The following CECR2 variants were observed in gnomAD, a reference collection of about 807,000 sequenced individuals.
CECR2 encodes the protein CECR2 histone acetyl-lysine reader.
In CECR2, 30 loss-of-function variants were observed where a neutral mutation model predicts 154.5. The observed-to-expected ratio is 0.19, with a 90% CI of 0.15 to 0.26. The LOEUF (loss-of-function observed/expected upper bound fraction) is 0.26, where lower values mean the gene tolerates loss of function less well. Ranked by LOEUF, CECR2 falls within the 10% of genes least tolerant of loss-of-function variation. The pLI is 1.00. For synonymous variants in CECR2, 725 were observed against 683.7 expected (o/e 1.06, Z -0.94); for missense variants, 1,743 against 1,829.3 (o/e 0.95, Z 0.86).
At chr22:17,386,178 C>T (rs1037981862) in intron 1 of CECR2, among the ~76,000 whole-genome samples, 5 of 151,970 alleles carry the variant, frequency 3.3e-5, no homozygotes, top group African/African-American at 9.7e-5. Flanking sequence ...AAAATGACAA[C>T]GGAAAAGAGC....
chr22:17,485,780 A>T (rs892523046), intron 2 of CECR2, among the ~76,000 whole-genome samples: 3 of 152,192 alleles, frequency 2.0e-5, no homozygotes, highest in Non-Finnish European at 4.4e-5. Context: ...CAAAAAAGAA[A>T]AGAAAGTAAA....
chr22:17,427,673 G>A (rs2054352719), intron 1 of CECR2, among the ~76,000 whole-genome samples: 3 of 152,148 alleles, frequency 2.0e-5, no homozygotes, highest in African/African-American at 4.8e-5. Flanking sequence ...CTTCCACAGT[G>A]TGGAAGGGGA....
intron 2 of CECR2, among the ~76,000 whole-genome samples, chr22:17,485,690 G>A (rs2055408762): frequency 6.6e-6 from 1 of 152,146 alleles, no homozygotes; most frequent in Non-Finnish European, 1.5e-5. Context: ...AGGAGAATCA[G>A]TGGAGCCCAG....
In CECR2 at chr22:17,487,698, CATG is replaced by C. The variant is rs543194008; in HGVS notation, c.222-9699_222-9697del. 9.9e-5 allele frequency among the ~76,000 whole-genome samples: 15 copies of C among 152,084 alleles called. No homozygotes were observed. In the East Asian group the frequency reaches 2.7e-3, roughly 27 times the overall value. On this transcript the variant is annotated intron_variant, in intron 2 of 18. Coordinates refer to ENST00000262608, the MANE Select transcript of CECR2 (RefSeq NM_001290047.2). ...AAAAAAATTTTTTTCATTAAATACT[CATG>C]ATGATAATACTTACTGCTAAAATGT...
intron 1 of CECR2, among the ~76,000 whole-genome samples, chr22:17,465,060 G>T (rs1397147059): frequency 6.1e-5 from 9 of 146,846 alleles, no homozygotes; most frequent in Non-Finnish European, 1.2e-4. Context: ...GCAGTGGCGC[G>T]ATCTCAGCTC....
rs533542372 is a variant in CECR2 at position 17,461,953 on chromosome 22, C to T, written c.127-15635C>T. Among the ~76,000 whole-genome samples, 235 of 151,980 alleles carry T rather than the reference C, an allele frequency of 1.5e-3. 4 individuals are homozygous for T. In the Middle Eastern group the frequency reaches 0.041, roughly 26 times the overall value. On this transcript the variant is annotated intron_variant, in intron 1 of 18. Coordinates refer to ENST00000262608, the MANE Select transcript of CECR2 (RefSeq NM_001290047.2). ...GACTACAGGTGCGCACCACCAAACCCGGCTAATTTTTTTATTTTTAGTAGA... is the reference window on the plus strand; with the variant it reads ...GACTACAGGTGCGCACCACCAAACCTGGCTAATTTTTTTATTTTTAGTAGA...
At chr22:17,451,375 A>G (rs566137993) in intron 1 of CECR2, among the ~76,000 whole-genome samples, 6 of 152,350 alleles carry the variant, frequency 3.9e-5, no homozygotes, top group Admixed American at 1.3e-4. Flanking sequence ...TGGTGAAGGT[A>G]GCATTACTAG....
intron 7 of CECR2, among the ~76,000 whole-genome samples, chr22:17,509,979 C>T (rs1439738204): frequency 3.3e-5 from 5 of 151,886 alleles, no homozygotes; most frequent in Non-Finnish European, 7.4e-5. Flanking sequence ...TTACTTAAAC[C>T]TTTTTTTTGT....
intron 7 of CECR2, among the ~76,000 whole-genome samples, chr22:17,507,354 T>C (rs1161781837): frequency 1.3e-5 from 2 of 152,242 alleles, no homozygotes; most frequent in African/African-American, 4.8e-5. Context: ...TCTGTTTTTG[T>C]GATCAGCAAT....
intron 1 of CECR2, among the ~76,000 whole-genome samples, chr22:17,464,997 ATT>A (rs71770620): frequency 3.1e-4 from 43 of 140,914 alleles, no homozygotes; most frequent in East Asian, 2.1e-3. Context: ...CAATATTTAA[ATT>A]TTTTTTTTTT....
intron 3 of CECR2, 48 bp from the exon 4 acceptor site, chr22:17,499,362 G>A (rs1277244109): frequency 6.4e-7 from 1 of 1,574,544 alleles, no homozygotes. Flanking sequence ...TTTTCCTGGT[G>A]CGTTTTGTTC....
chr22:17,463,830 G>A lies in CECR2; in HGVS notation c.127-13758G>A, dbSNP rs116794259. 3.6e-3 allele frequency among the ~76,000 whole-genome samples: 546 copies of A among 152,168 alleles called. 2 individuals carry two copies. Among genetic ancestry groups the A allele is most frequent in the African/African-American group, 0.013 (520 of 41,506 alleles). On this transcript the variant is annotated intron_variant, in intron 1 of 18. Transcript: ENST00000262608. ...AAAGAGCTATCAAGAGTCAGTGGGTGTAGAGCAGAAAGGGAAGCAAGAGCA... is the reference window on the plus strand; with the variant it reads ...AAAGAGCTATCAAGAGTCAGTGGGTATAGAGCAGAAAGGGAAGCAAGAGCA...
At chr22:17,390,057 T>A (rs1374134365) in intron 1 of CECR2, among the ~76,000 whole-genome samples, 2 of 152,194 alleles carry the variant, frequency 1.3e-5, no homozygotes, top group African/African-American at 4.8e-5. Context: ...TACATTATTT[T>A]TATGAATTTT....
intron 1 of CECR2, among the ~76,000 whole-genome samples, chr22:17,461,662 C>T (rs1277183094): frequency 6.6e-6 from 1 of 152,180 alleles, no homozygotes; most frequent in Non-Finnish European, 1.5e-5. Flanking sequence ...CACCAGAATA[C>T]ACAGAAGTCA....
chr22:17,406,998 A>G (rs1215925405), intron 1 of CECR2, among the ~76,000 whole-genome samples: 2 of 152,194 alleles, frequency 1.3e-5, no homozygotes, highest in African/African-American at 4.8e-5. Context: ...AGCACCTTGT[A>G]TAAGAAGCAT....
Position 17,555,866 on chromosome 22 carries a change from CTTTGA to C in CECR2, c.*3030_*3034del, listed in dbSNP as rs1458626382. ...GAGAATGGGAAATACCATTGCATCT[CTTTGA>C]TTTAACACTCATGGCTCACCTTTAG... On this transcript the variant is annotated 3_prime_UTR_variant, in exon 19 of 19. Coordinates refer to ENST00000262608, the MANE Select transcript of CECR2 (RefSeq NM_001290047.2). 3 of 152,184 alleles carry C rather than the reference CTTTGA, an allele frequency of 2.0e-5. No individual in the cohort carries two copies. The highest frequency in any genetic ancestry group is 2.0e-4 in the Admixed American group (3 of 15,272). 9.4% of individuals were successfully genotyped at this position (152,184 alleles called of 1,614,324 possible).
chr22:17,547,853 GTC>G (rs1393507897), intron 16 of CECR2, among the ~76,000 whole-genome samples: 2 of 152,104 alleles, frequency 1.3e-5, no homozygotes, highest in African/African-American at 2.4e-5. Flanking sequence ...GCCACAAGCC[GTC>G]TCTCAGCCTC....
chr22:17,452,677 GGGTT>G (rs1168394472), intron 1 of CECR2, among the ~76,000 whole-genome samples: 3 of 152,124 alleles, frequency 2.0e-5, no homozygotes, highest in African/African-American at 7.2e-5. Context: ...ATCTGTATTC[GGGTT>G]TTGGAAATAG....
At chr22:17,459,187 G>C (rs1451956933) in intron 1 of CECR2, among the ~76,000 whole-genome samples, 1 of 152,176 alleles carries the variant, frequency 6.6e-6, no homozygotes, top group East Asian at 1.9e-4. Context: ...GTAAGAACCT[G>C]CAGGGTGATA....
Sources: gnomAD v4.1 joint callset for allele counts (sites outside exome capture counted in the v4.1 genomes callset) on GRCh38, gnomAD v4.1.1 for gene constraint, MANE v1.5 for transcripts, NCBI Gene and HGNC (gene_info 2026-07-23, HGNC 2026-07-21) for gene names.